PLXNA4: variants seen among roughly 807,000 people sequenced by gnomAD.
PLXNA4 encodes plexin A4.
In PLXNA4, 44 loss-of-function variants were observed where a neutral mutation model predicts 191.8. The ratio of observed to expected loss-of-function variants is 0.23; its 90% CI spans 0.18 to 0.29. The LOEUF (loss-of-function observed/expected upper bound fraction) is 0.29. Among genes scored for constraint, PLXNA4 ranks in the 10% least tolerant of loss-of-function variants. The pLI, the probability that PLXNA4 is intolerant of heterozygous loss-of-function variation, is 1.00. For synonymous variants in PLXNA4, 1,082 were observed against 1,009.5 expected, an observed-to-expected ratio of 1.07 and a Z score of -1.36; for missense variants, 1,800 against 2,488.8, an observed-to-expected ratio of 0.72 and a Z score of 5.89.
intron 1 of PLXNA4, among the ~76,000 whole-genome samples, chr7:132,519,808 T>C (rs1345285172): frequency 6.6e-6 from 1 of 152,238 alleles, no homozygotes; most frequent in Non-Finnish European, 1.5e-5. Flanking sequence ...AAGGATACTA[T>C]TGGCATCAGG....
chr7:132,274,729 TA>T (rs1364469189), intron 4 of PLXNA4, among the ~76,000 whole-genome samples: 1 of 151,114 alleles, frequency 6.6e-6, no homozygotes, highest in Non-Finnish European at 1.5e-5. Context: ...TTGGCACGAA[TA>T]CCACAGAAAT....
chr7:132,336,681 G>C (rs1304116401), intron 3 of PLXNA4, among the ~76,000 whole-genome samples: 1 of 152,170 alleles, frequency 6.6e-6, no homozygotes, highest in African/African-American at 2.4e-5. Flanking sequence ...CAGAGACAAG[G>C]GAGCGAATCA....
chr7:132,483,892 G>A (rs972404226), intron 3 of PLXNA4, among the ~76,000 whole-genome samples: 4 of 152,318 alleles, frequency 2.6e-5, no homozygotes, highest in East Asian at 1.9e-4. Flanking sequence ...ACAATGCCTA[G>A]CTATTGGCTG....
chr7:132,159,576 G>A lies in PLXNA4; in HGVS notation c.4557C>T (p.Ile1519=). 6.2e-7 allele frequency: 1 copy of A among 1,614,162 alleles called. No individual in the cohort carries two copies. The change falls in exon 25 of 32, where the codon ATC becomes ATT. Residue 1519 remains isoleucine (I), a synonymous_variant. Transcript: ENST00000321063. The part of the protein sequence containing the change: ...NANSPEVPVK[I]LNCDTITQVK... The stretch of plus-strand genomic sequence containing the variant: ...CCTGAGTGATGGTGTCACAGTTGAG[G>A]ATCTTTACTGGGACCTCGGGGCTGT...
At chr7:132,588,221 C>G (rs985220715) in intron 2 of PLXNA4, among the ~76,000 whole-genome samples, 7 of 152,088 alleles carry the variant, frequency 4.6e-5, no homozygotes, top group Non-Finnish European at 7.4e-5. Flanking sequence ...TTGTCCTATG[C>G]CTAACTACAC....
intron 20 of PLXNA4, among the ~76,000 whole-genome samples, chr7:132,177,732 C>A (rs1262981360): frequency 6.6e-6 from 1 of 152,188 alleles, no homozygotes; most frequent in Non-Finnish European, 1.5e-5. Context: ...AAAAGAGATT[C>A]TAATCACTAC....
chr7:132,633,814 C>T (rs1404793295), intron 2 of PLXNA4, among the ~76,000 whole-genome samples: 2 of 152,138 alleles, frequency 1.3e-5, no homozygotes, highest in Non-Finnish European at 2.9e-5. Context: ...TTTCTCCAGA[C>T]TAAATTTTCA....
intron 3 of PLXNA4, among the ~76,000 whole-genome samples, chr7:132,361,137 T>A (rs1340475485): frequency 6.6e-6 from 1 of 152,116 alleles, no homozygotes; most frequent in African/African-American, 2.4e-5. Context: ...CTGCTCCAGA[T>A]GTGAACTCAT....
intron 3 of PLXNA4, among the ~76,000 whole-genome samples, chr7:132,332,601 C>T (rs930052245): frequency 6.6e-6 from 1 of 151,922 alleles, no homozygotes; most frequent in African/African-American, 2.4e-5. Flanking sequence ...ATAATCTCAG[C>T]ATTTTGGGAG....
intron 1 of PLXNA4, among the ~76,000 whole-genome samples, chr7:132,511,309 CTT>C (rs992079514): frequency 2.1e-4 from 32 of 152,286 alleles, no homozygotes; most frequent in African/African-American, 7.7e-4. Flanking sequence ...GGTGAGGAAA[CTT>C]TAGCTCTGCA....
chr7:132,242,149 GTA>G (rs796793946), intron 4 of PLXNA4, among the ~76,000 whole-genome samples: 4 of 147,488 alleles, frequency 2.7e-5, no homozygotes, highest in Middle Eastern at 3.5e-3. Context: ...TTTACAAAAA[GTA>G]TTTTTTTTTT....
intron 13 of PLXNA4, among the ~76,000 whole-genome samples, chr7:132,197,977 G>A (rs1416326461): frequency 6.6e-6 from 1 of 152,158 alleles, no homozygotes; most frequent in African/African-American, 2.4e-5. Context: ...CTACTAGGTG[G>A]GTTACAGGTC....
At chr7:132,346,215 T>A (rs938814886) in intron 3 of PLXNA4, among the ~76,000 whole-genome samples, 1 of 152,206 alleles carries the variant, frequency 6.6e-6, no homozygotes, top group African/African-American at 2.4e-5. Context: ...GCTAACTTCA[T>A]GGGATGGTTG....
chr7:132,355,279 G>A (rs756159924), intron 3 of PLXNA4, among the ~76,000 whole-genome samples: 21 of 152,174 alleles, frequency 1.4e-4, no homozygotes, highest in Non-Finnish European at 2.1e-4. Flanking sequence ...CCTGAACTTC[G>A]TCCAAGTCTG....
At chr7:132,152,992 G>T (rs535503898) in intron 25 of PLXNA4, among the ~76,000 whole-genome samples, 1 of 152,314 alleles carries the variant, frequency 6.6e-6, no homozygotes, top group East Asian at 1.9e-4. Context: ...TGGCCAACTG[G>T]GCATGAGAGG....
intron 9 of PLXNA4, among the ~76,000 whole-genome samples, chr7:132,220,272 G>A (rs1798100366): frequency 6.6e-6 from 1 of 152,190 alleles, no homozygotes; most frequent in African/African-American, 2.4e-5. Flanking sequence ...TCACTAGGAA[G>A]ATGCTACAAC....
intron 2 of PLXNA4, among the ~76,000 whole-genome samples, chr7:132,600,620 G>A (rs922382080): frequency 6.6e-6 from 1 of 152,082 alleles, no homozygotes; most frequent in Non-Finnish European, 1.5e-5. Context: ...GGATCCCCTG[G>A]CCTCAGCCTC....
In PLXNA4 at chr7:132,331,368, G is replaced by A. The variant is rs1336148957; in HGVS notation, c.1372-33146C>T. On this transcript the variant is annotated intron_variant, in intron 3 of 31. Coordinates refer to ENST00000321063, the MANE Select transcript of PLXNA4 (RefSeq NM_020911.2). Reference sequence around the variant, plus strand: ...GACAGAGGGTTTGGCTCTGCCAAGGGTAATCAGGGCCTGCAGCCTGTGCTG... The same window carrying A: ...GACAGAGGGTTTGGCTCTGCCAAGGATAATCAGGGCCTGCAGCCTGTGCTG... Among the ~76,000 whole-genome samples, 3 of 152,218 alleles carry A rather than the reference G, an allele frequency of 2.0e-5. No homozygotes were observed. In the East Asian group the frequency reaches 5.8e-4, roughly 29 times the overall value.
In PLXNA4 at chr7:132,459,924, C is replaced by T. The variant is rs149598288; in HGVS notation, c.1371+29368G>A. Among the ~76,000 whole-genome samples the T allele has an allele frequency of 9.6e-3, 1,457 of 151,138 alleles. 17 individuals are homozygous for T. The highest frequency in any genetic ancestry group is 0.013 in the Non-Finnish European group (905 of 67,852). Reference sequence around the variant, plus strand: ...TTCATTGTGTACAAGAGTGCCCCCACCCCGCCCCTTCTCTTCCCCATGCCC... The same window carrying T: ...TTCATTGTGTACAAGAGTGCCCCCATCCCGCCCCTTCTCTTCCCCATGCCC... On this transcript the variant is annotated intron_variant, in intron 3 of 31. Coordinates refer to ENST00000321063, the MANE Select transcript of PLXNA4 (RefSeq NM_020911.2).
Sources: allele counts gnomAD v4.1 joint callset (sites outside exome capture counted in the v4.1 genomes callset), GRCh38; gene constraint gnomAD v4.1.1; transcripts MANE v1.5; gene names NCBI Gene and HGNC (gene_info 2026-07-23, HGNC 2026-07-21).